Variants in PCDHGA7 observed in about 807,000 individuals in gnomAD.
PCDHGA7 encodes the protein protocadherin gamma-A7.
PCDHGA7 carries 44 observed loss-of-function variants against 58.3 expected under a neutral mutation model. The ratio of observed to expected loss-of-function variants is 0.75; its 90% CI spans 0.59 to 0.97. The LOEUF is 0.97. Ranked by LOEUF, PCDHGA7 falls within the 50% of genes least tolerant of loss-of-function variation. The probability of loss-of-function intolerance (pLI) is 0.00; values close to 1 mark genes in which losing one functional copy is unlikely to be tolerated. For missense variants in PCDHGA7, 1,266 were observed against 1,188.7 expected (o/e 1.06, Z -0.96); for synonymous variants, 516 against 504.2 (o/e 1.02, Z -0.31).
rs1779885951 is a variant in PCDHGA7, at chr5:141,384,247, C to T, written c.1348C>T (p.Pro450Ser). 6.2e-7 allele frequency: 1 copy of T among 1,613,912 alleles called. No individual in the cohort carries two copies. Among genetic ancestry groups the T allele is most frequent in the Non-Finnish European group, 8.5e-7 (1 of 1,179,902 alleles). Residue 450 changes from proline (P) to serine (S), a missense_variant, in exon 1 of 4, where the codon CCC becomes TCC. Coordinates refer to ENST00000518325, the MANE Select transcript of PCDHGA7 (RefSeq NM_018920.4). ...GGTGGCAGACACCAACGATAACCCACCCACCTTCCCCCACTCATCCTACTC... is the reference window on the plus strand; with the variant it reads ...GGTGGCAGACACCAACGATAACCCATCCACCTTCCCCCACTCATCCTACTC... ...MQVADTNDNPPTFPHSSYSVY... is the reference protein window; with the variant it reads ...MQVADTNDNPSTFPHSSYSVY...
rs1364068033 is a variant in PCDHGA7 at position 141,490,353 on chromosome 5, G to A, written c.2425-4454G>A. 3.1e-6 allele frequency: 5 copies of A among 1,614,090 alleles called. No individual in the cohort carries two copies. The highest frequency in any genetic ancestry group is 4.2e-6 in the Non-Finnish European group (5 of 1,180,046). On this transcript the variant is annotated intron_variant, in intron 1 of 3. Transcript: ENST00000518325. This position sits in a 1 kb window ranked among gnomAD's most constrained non-coding sequence, Gnocchi z 5.4. ...CACCAGTGGGCACAGTAGTGGGGTT[G>A]TTTAATGTGCGAGACCGGGACTCAG...
At chr5:141,463,587 T>TA (rs2099064735) in intron 1 of PCDHGA7, among the ~76,000 whole-genome samples, 1 of 152,058 alleles carries the variant, frequency 6.6e-6, no homozygotes, top group East Asian at 1.9e-4. Context: ...TAGCTGGGAC[T>TA]ACAGGTGCCT....
rs561569572 is a variant in PCDHGA7, at chr5:141,512,054, C to A, written c.*881C>A. 6.5e-6 allele frequency: 1 copy of A among 152,828 alleles called. No individual in the cohort carries two copies. The highest frequency in any genetic ancestry group is 1.9e-4 in the East Asian group (1 of 5,184). The allele number at this position is 152,828 out of a possible 1,614,324, so 9.5% of individuals were successfully genotyped here. On this transcript the variant is annotated 3_prime_UTR_variant, in exon 4 of 4. Coordinates refer to ENST00000518325, the MANE Select transcript of PCDHGA7 (RefSeq NM_018920.4). Reference sequence around the variant, plus strand: ...GGAGGCTCTGTATGTCCTCAGGGGACTGACAACATCCTCCAGATTCCAGCC... The same window carrying A: ...GGAGGCTCTGTATGTCCTCAGGGGAATGACAACATCCTCCAGATTCCAGCC...
chr5:141,391,359 C>T (rs2092363338), intron 1 of PCDHGA7: 1 of 149,724 alleles, frequency 6.7e-6, no homozygotes, highest in African/African-American at 2.5e-5. Flanking sequence ...GTTACTCAGG[C>T]TGTAGTGCAG....
chr5:141,489,084 C>A lies in PCDHGA7; in HGVS notation c.2425-5723C>A. On this transcript the variant is annotated intron_variant, in intron 1 of 3. Coordinates refer to ENST00000518325, the MANE Select transcript of PCDHGA7 (RefSeq NM_018920.4). The surrounding 1 kb of genome is among the most constrained non-coding windows in gnomAD (Gnocchi z 4.5). Reference sequence around the variant, plus strand: ...CTCCCCCCTGCCCACCCCCGCCACTCGGTGACTAAGAACTGCTGCAAGCAG... The same window carrying A: ...CTCCCCCCTGCCCACCCCCGCCACTAGGTGACTAAGAACTGCTGCAAGCAG... The A allele has an allele frequency of 9.1e-6, 3 of 329,124 alleles. No homozygotes were observed. The highest frequency in any genetic ancestry group is 1.1e-5 in the Non-Finnish European group (2 of 186,464). The allele number at this position is 329,124 out of a possible 1,614,324, so 20.4% of individuals were successfully genotyped here. A position where few individuals can be genotyped will look rare whatever the true frequency, so the allele number is the denominator to read the frequency against.
intron 1 of PCDHGA7, chr5:141,399,294 G>T (rs781668632): frequency 6.2e-7 from 1 of 1,613,914 alleles, no homozygotes; most frequent in South Asian, 1.1e-5. Flanking sequence ...TCCCTTTTAA[G>T]ATTATCTCTT....
rs2094474207 is a variant in PCDHGA7 at position 141,403,989 on chromosome 5, A to C, written c.2424+18666A>C. On this transcript the variant is annotated intron_variant, in intron 1 of 3. Coordinates refer to ENST00000518325, the MANE Select transcript of PCDHGA7 (RefSeq NM_018920.4). ...GAAGATGTAAATGACAATAGACCTG[A>C]AGTGACCATTACATCTCTGTTTAGC... The C allele has an allele frequency of 1.2e-6, 2 of 1,613,868 alleles. No homozygotes were observed. Among genetic ancestry groups the C allele is most frequent in the Middle Eastern group, 1.6e-4 (1 of 6,062 alleles).
At chr5:141,430,950 T>C (rs756423770) in intron 1 of PCDHGA7, 5 of 1,609,980 alleles carry the variant, frequency 3.1e-6, no homozygotes, top group East Asian at 2.2e-5. Flanking sequence ...GAGCGCGGAG[T>C]CCGCATCATC....
intron 2 of PCDHGA7, among the ~76,000 whole-genome samples, chr5:141,496,279 G>C (rs902362885): frequency 1.3e-5 from 2 of 152,198 alleles, no homozygotes; most frequent in Non-Finnish European, 2.9e-5. Context: ...ACCTTCAGTT[G>C]GTCTGAGCAG....
chr5:141,493,937 A>G lies in PCDHGA7; in HGVS notation c.2425-870A>G, dbSNP rs931274307. Among the ~76,000 whole-genome samples the G allele has an allele frequency of 6.6e-6, 1 of 152,212 alleles. No individual in the cohort carries two copies. The highest frequency in any genetic ancestry group is 1.5e-5 in the Non-Finnish European group (1 of 68,022). ...GGATAACACACCCCCTGGAAAGACCAGAAGGGACTCAGGAATGAAGTGGCT... is the reference window on the plus strand; with the variant it reads ...GGATAACACACCCCCTGGAAAGACCGGAAGGGACTCAGGAATGAAGTGGCT... On this transcript the variant is annotated intron_variant, in intron 1 of 3. Coordinates refer to ENST00000518325, the MANE Select transcript of PCDHGA7 (RefSeq NM_018920.4). This position sits in a 1 kb window ranked among gnomAD's most constrained non-coding sequence, Gnocchi z 4.3.
At chr5:141,453,321 T>TG (rs2098762672) in intron 1 of PCDHGA7, among the ~76,000 whole-genome samples, 2 of 151,876 alleles carry the variant, frequency 1.3e-5, no homozygotes, top group Admixed American at 6.6e-5. Context: ...ATTTTAGAGA[T>TG]GGGGTCTCAC....
In PCDHGA7 at chr5:141,511,284, G is replaced by A; in HGVS notation, c.*111G>A. Reference sequence around the variant, plus strand: ...AGGGCTAACCCCCAGAATACTGGTAGGGGCCAAGGCCATGCTCCCCTTGGG... The same window carrying A: ...AGGGCTAACCCCCAGAATACTGGTAAGGGCCAAGGCCATGCTCCCCTTGGG... On this transcript the variant is annotated 3_prime_UTR_variant, in exon 4 of 4. Coordinates refer to ENST00000518325, the MANE Select transcript of PCDHGA7 (RefSeq NM_018920.4). 6.5e-7 allele frequency: 1 copy of A among 1,528,376 alleles called. No individual in the cohort carries two copies. The highest frequency in any genetic ancestry group is 1.4e-5 in the African/African-American group (1 of 72,796). The allele number at this position is 1,528,376 out of a possible 1,614,324, so 94.7% of individuals were successfully genotyped here.
At chr5:141,409,652 A>G in intron 1 of PCDHGA7, 1 of 1,613,654 alleles carries the variant, frequency 6.2e-7, no homozygotes, top group Non-Finnish European at 8.5e-7. Flanking sequence ...TTTGGGGCTC[A>G]ATGGCCACAT....
intron 1 of PCDHGA7, chr5:141,417,573 C>A: frequency 2.7e-6 from 1 of 377,070 alleles, no homozygotes; most frequent in Non-Finnish European, 4.7e-6. Flanking sequence ...AGTCAAGTTG[C>A]AGTCCCACAC....
chr5:141,417,754 C>A, intron 1 of PCDHGA7: 2 of 1,431,302 alleles, frequency 1.4e-6, no homozygotes, highest in Non-Finnish European at 1.8e-6. Flanking sequence ...TTGCCAGCTC[C>A]GAGACCCGGG....
chr5:141,494,439 C>T (rs1009257996), intron 1 of PCDHGA7, among the ~76,000 whole-genome samples: 1 of 152,126 alleles, frequency 6.6e-6, no homozygotes, highest in Non-Finnish European at 1.5e-5. Flanking sequence ...CCTCCTTTGC[C>T]ACTTTAGGGG....
rs1257565821 is a variant in PCDHGA7, at chr5:141,487,319, C to G, written c.2425-7488C>G. ...ATTCGTGGCACTACTCTCTAAGTGTCTTCGTGGGGCAGCCTGTGGAGTCAC... is the reference window on the plus strand; with the variant it reads ...ATTCGTGGCACTACTCTCTAAGTGTGTTCGTGGGGCAGCCTGTGGAGTCAC... On this transcript the variant is annotated intron_variant, in intron 1 of 3. Transcript: ENST00000518325. The surrounding 1 kb of genome is among the most constrained non-coding windows in gnomAD (Gnocchi z 5.0). The G allele has an allele frequency of 6.2e-7, 1 of 1,614,052 alleles. No homozygotes were observed. The highest frequency in any genetic ancestry group is 1.3e-5 in the African/African-American group (1 of 74,930).
In PCDHGA7 at chr5:141,384,897, C is replaced by A; in HGVS notation, c.1998C>A (p.Asp666Glu). Residue 666 changes from aspartate (D) to glutamate (E), a missense_variant, in exon 1 of 4, where the codon GAC (aspartate) becomes GAA (glutamate). Asp to Glu is a conservative substitution (Grantham distance 45). Transcript: ENST00000518325. ...ATVTLTVAVA[D>E]SIPEVLADLG... is the part of the protein sequence containing the mutation. ...TCACACTCACCGTGGCTGTGGCTGA[C>A]AGCATCCCCGAAGTCTTGGCCGACC... The A allele has an allele frequency of 6.2e-7, 1 of 1,613,922 alleles. No individual in the cohort carries two copies. The highest frequency in any genetic ancestry group is 8.5e-7 in the Non-Finnish European group (1 of 1,180,010).
intron 1 of PCDHGA7, among the ~76,000 whole-genome samples, chr5:141,492,206 G>T (rs1180294159): frequency 6.6e-6 from 1 of 152,204 alleles, no homozygotes; most frequent in African/African-American, 2.4e-5. Context: ...TTAGGTGTGC[G>T]CGCGGGGCTC....
Sources: gnomAD v4.1 joint callset for allele counts (sites outside exome capture counted in the v4.1 genomes callset) on GRCh38, gnomAD v4.1.1 for gene constraint, Gnocchi (gnomAD v3.1) non-coding constraint, MANE v1.5 for transcripts, NCBI Gene and HGNC (gene_info 2026-07-23, HGNC 2026-07-21) for gene names.